The following ZNF177 variants were observed in gnomAD, a reference collection of about 807,000 sequenced individuals.
ZNF177 encodes zinc finger protein 177.
ZNF177 carries 17 observed loss-of-function variants against 19.4 expected under a neutral mutation model. The ratio of observed to expected loss-of-function variants is 0.87; its 90% CI spans 0.60 to 1.31. ZNF177 has a LOEUF of 1.31. ZNF177 is among the 40% of genes most tolerant of loss of function. ZNF177 has a pLI of 0.00. For missense variants in ZNF177, 633 were observed against 561.8 expected (o/e 1.13, Z -1.28); for synonymous variants, 220 against 188.7 (o/e 1.17, Z -1.36).
intron 4 of ZNF177, 132 bp downstream of exon 6, chr19:9,379,751 C>T (rs2068164045): frequency 6.4e-6 from 7 of 1,091,438 alleles, no homozygotes; most frequent in Admixed American, 2.9e-5. Flanking sequence ...TCTATTCAAT[C>T]GTTCATACGT....
At chr19:9,367,952 A>G (rs7255853) in intron 2 of ZNF177, among the ~76,000 whole-genome samples, 92,608 of 151,978 alleles carry the variant, frequency 0.61, 28,848 homozygotes, top group African/African-American at 0.73. Flanking sequence ...CATTAGTGAC[A>G]AATTACATTG....
chr19:9,367,830 G>A (rs746974377), intron 2 of ZNF177, among the ~76,000 whole-genome samples: 16 of 152,114 alleles, frequency 1.1e-4, no homozygotes, highest in Admixed American at 6.6e-5. Flanking sequence ...ATGACATTTT[G>A]AACCATACAC....
At position 9,378,570 on chromosome 19, in the gene ZNF177, C is replaced by G. The variant is rs376089657; in HGVS notation, c.33+226C>G. The G allele has an allele frequency of 4.6e-5, 32 of 694,722 alleles. No homozygotes were observed. The South Asian group carries it at 6.1e-4, about 13-fold the overall frequency. The allele number at this position is 694,722 out of a possible 1,614,324, so 43.0% of individuals were successfully genotyped here. On this transcript the variant is annotated intron_variant, in intron 2 of 5. Transcript: ENST00000589262. ...CATATTTTTGAGTATGAATTCCATA[C>G]TGTAGTGAGTGCTGTAAAGAAAGAC...
chr19:9,368,165 C>G (rs2068004199), intron 2 of ZNF177, among the ~76,000 whole-genome samples: 1 of 152,156 alleles, frequency 6.6e-6, no homozygotes, highest in African/African-American at 2.4e-5. Context: ...CTGGGAAGAC[C>G]TAGCACCTTG....
exon 6 of ZNF177, chr19:9,381,921 A>G (rs1331517302): frequency 4.0e-6 from 5 of 1,237,040 alleles, no homozygotes; most frequent in African/African-American, 1.5e-5. Flanking sequence ...AAACCTTATA[A>G]ATGTTATAGC....
chr19:9,379,270 C>G, intron 3 of ZNF177, 182 bp downstream of exon 5: 1 of 1,176,958 alleles, frequency 8.5e-7, no homozygotes, highest in Admixed American at 3.0e-5. Context: ...TTTTCTCTAT[C>G]ACTAATAGCT....
chr19:9,381,497 C>G (rs552988505), exon 6 of ZNF177: 7 of 1,611,802 alleles, frequency 4.3e-6, no homozygotes, highest in Non-Finnish European at 5.9e-6. Flanking sequence ...CACACACGCT[C>G]TCACACTGGA....
At chr19:9,380,086 A>G (rs1179661867) in exon 5 of ZNF177, 1 of 1,612,224 alleles carries the variant, frequency 6.2e-7, no homozygotes, top group Non-Finnish European at 8.5e-7. Flanking sequence ...ACCAAAAGAT[A>G]CAATTGCTAT....
intron 2 of ZNF177, among the ~76,000 whole-genome samples, chr19:9,366,090 C>T (rs1162745153): frequency 6.6e-6 from 1 of 152,172 alleles, no homozygotes; most frequent in East Asian, 1.9e-4. Flanking sequence ...TCAAGTGATT[C>T]TCCTGCCTCA....
upstream of ZNF177, among the ~76,000 whole-genome samples, chr19:9,373,085 A>G (rs1475086915): frequency 6.6e-6 from 1 of 152,172 alleles, no homozygotes; most frequent in African/African-American, 2.4e-5. Flanking sequence ...CAAGCCATAC[A>G]TCAGGTCTCC....
At chr19:9,380,608 TC>T (rs1362113699) in intron 5 of ZNF177, 59 bp from the exon 8 acceptor site, 5 of 1,535,802 alleles carry the variant, frequency 3.3e-6, no homozygotes, top group Non-Finnish European at 3.5e-6. Flanking sequence ...GGAAGAGAAT[TC>T]CTGTGAATAA....
At chr19:9,376,532 G>T (rs899843437) in intron 1 of ZNF177, 109 bp downstream of exon 3, 14 of 152,104 alleles carry the variant, frequency 9.2e-5, no homozygotes, top group African/African-American at 3.1e-4. Context: ...ACTTTCTGTA[G>T]TGATACGCTT....
At chr19:9,364,493 C>G (rs1291207121) in intron 1 of ZNF177, among the ~76,000 whole-genome samples, 1 of 152,054 alleles carries the variant, frequency 6.6e-6, no homozygotes, top group African/African-American at 2.4e-5. Flanking sequence ...TGGAATAACT[C>G]TTTTTGTCGT....
upstream of ZNF177, among the ~76,000 whole-genome samples, chr19:9,374,862 C>T (rs1252140803): frequency 6.6e-6 from 1 of 152,042 alleles, no homozygotes; most frequent in East Asian, 1.9e-4. Context: ...ATTGTTCTGG[C>T]TAGAACTTCA....
At chr19:9,364,393 G>C (rs2067948887) in intron 1 of ZNF177, among the ~76,000 whole-genome samples, 1 of 152,136 alleles carries the variant, frequency 6.6e-6, no homozygotes, top group Non-Finnish European at 1.5e-5. Flanking sequence ...GAGAGACTAT[G>C]GAAGGTCCTG....
At chr19:9,372,469 T>C (rs1225433726), upstream of ZNF177, among the ~76,000 whole-genome samples, 1 of 152,020 alleles carries the variant, frequency 6.6e-6, no homozygotes, top group Non-Finnish European at 1.5e-5. Flanking sequence ...CTTCAATGAT[T>C]GTCACCATTT....
At chr19:9,378,873 T>C in intron 2 of ZNF177, 89 bp from the exon 5 acceptor site, 3 of 1,484,766 alleles carry the variant, frequency 2.0e-6, no homozygotes, top group Non-Finnish European at 9.0e-7. Context: ...GAGTCTCCTC[T>C]CCAGTCCTGT....
At chr19:9,370,409 TTTTTTTTTTG>T (rs1199529975) in intron 2 of ZNF177, among the ~76,000 whole-genome samples, 3 of 145,084 alleles carry the variant, frequency 2.1e-5, no homozygotes, top group African/African-American at 7.8e-5. Flanking sequence ...GGTTGGTTTG[TTTTTTTTTTG>T]TTTTTTTTTT....
intron 3 of ZNF177, 41 bp from the exon 6 acceptor site, chr19:9,379,486 C>A (rs1438996609): frequency 6.3e-7 from 1 of 1,594,362 alleles, no homozygotes; most frequent in East Asian, 2.2e-5. Context: ...ATATTTAATT[C>A]TCACACATTT....
Sources: allele counts gnomAD v4.1 joint callset (sites outside exome capture counted in the v4.1 genomes callset), GRCh38; gene constraint gnomAD v4.1.1; transcripts MANE v1.5; gene names NCBI Gene and HGNC (gene_info 2026-07-23, HGNC 2026-07-21).